The following SDK2 variants were observed in gnomAD, a reference collection of about 807,000 sequenced individuals.
SDK2 encodes protein sidekick-2.
Under a neutral mutation model 253.9 loss-of-function variants are expected in SDK2, and 105 were observed. The ratio of observed to expected loss-of-function variants is 0.41; its 90% CI spans 0.35 to 0.49. The LOEUF is 0.49. Among genes scored for constraint, SDK2 ranks in the 20% least tolerant of loss-of-function variants. The pLI, the probability that SDK2 is intolerant of heterozygous loss-of-function variation, is 0.06. For synonymous variants in SDK2, 1,249 were observed against 1,234.9 expected, an observed-to-expected ratio of 1.01 and a Z score of -0.24; for missense variants, 2,608 against 3,003.0, an observed-to-expected ratio of 0.87 and a Z score of 3.07.
chr17:73,366,610 A>G (rs541032640), intron 37 of SDK2, among the ~76,000 whole-genome samples: 1 of 152,250 alleles, frequency 6.6e-6, no homozygotes, highest in Non-Finnish European at 1.5e-5. Flanking sequence ...AGGACAGAAC[A>G]CTTGGTTCTC....
intron 1 of SDK2, among the ~76,000 whole-genome samples, chr17:73,581,423 C>G (rs1032618102): frequency 1.3e-4 from 20 of 152,346 alleles, no homozygotes; most frequent in Non-Finnish European, 2.6e-4. Flanking sequence ...CACCCACTCT[C>G]ACATATCATC....
At chr17:73,628,586 T>TG (rs2046231938) in intron 1 of SDK2, among the ~76,000 whole-genome samples, 1 of 152,174 alleles carries the variant, frequency 6.6e-6, no homozygotes. Flanking sequence ...TGTCTGGGGC[T>TG]GGTGTGGCAT....
intron 18 of SDK2, among the ~76,000 whole-genome samples, chr17:73,409,256 G>C (rs1024316817): frequency 3.3e-5 from 5 of 152,154 alleles, no homozygotes; most frequent in African/African-American, 1.2e-4. Context: ...CAAGGTGGGT[G>C]GATCATTTGA....
At chr17:73,466,255 C>A (rs1033151907) in intron 3 of SDK2, among the ~76,000 whole-genome samples, 2 of 152,144 alleles carry the variant, frequency 1.3e-5, no homozygotes, top group Non-Finnish European at 2.9e-5. Context: ...TCCAGGACAC[C>A]TTTCCTGGCT....
chr17:73,418,969 G>C (rs2063205177), intron 16 of SDK2, among the ~76,000 whole-genome samples, 197 bp downstream of exon 16: 3 of 152,042 alleles, frequency 2.0e-5, no homozygotes, highest in African/African-American at 7.2e-5. Context: ...TGGTGTCCAG[G>C]GGTCTTGCCA....
chr17:73,430,287 A>C, intron 12 of SDK2, among the ~76,000 whole-genome samples: 1 of 149,494 alleles, frequency 6.7e-6, no homozygotes, highest in Non-Finnish European at 1.5e-5. Flanking sequence ...TTTTCCTCCC[A>C]CCTTGGAAAC....
chr17:73,459,516 C>T (rs1164750958), intron 3 of SDK2, among the ~76,000 whole-genome samples: 1 of 152,218 alleles, frequency 6.6e-6, no homozygotes, highest in East Asian at 1.9e-4. Flanking sequence ...CATGGTTCTA[C>T]AGCATCCTGG....
At chr17:73,394,452 CA>C (rs2145506053) in intron 25 of SDK2, 128 bp from the exon 26 acceptor site, 1 of 500,048 alleles carries the variant, frequency 2.0e-6, no homozygotes, top group African/African-American at 1.9e-5. Flanking sequence ...AGAAACGTGG[CA>C]CACATGGTCC....
At chr17:73,413,101 C>A (rs2063153115) in intron 18 of SDK2, among the ~76,000 whole-genome samples, 1 of 152,150 alleles carries the variant, frequency 6.6e-6, no homozygotes. Flanking sequence ...GAGCGGCAGG[C>A]AAGAAAGTGA....
At chr17:73,630,124 T>C (rs1314212784) in intron 1 of SDK2, among the ~76,000 whole-genome samples, 1 of 152,138 alleles carries the variant, frequency 6.6e-6, no homozygotes, top group African/African-American at 2.4e-5. Flanking sequence ...GCCACCACCA[T>C]GACACCTAGA....
intron 1 of SDK2, among the ~76,000 whole-genome samples, chr17:73,566,675 G>T (rs2045316464): frequency 6.6e-6 from 1 of 152,076 alleles, no homozygotes; most frequent in Non-Finnish European, 1.5e-5. Context: ...CCCTGGTTAT[G>T]CCTTAATAAA....
chr17:73,357,962 G>A (rs2062606075), intron 40 of SDK2, 117 bp downstream of exon 40: 3 of 1,486,606 alleles, frequency 2.0e-6, no homozygotes, highest in African/African-American at 1.4e-5. Context: ...GACTTCACCT[G>A]TAGTAGCACA....
chr17:73,583,878 C>A (rs1341138852), intron 1 of SDK2, among the ~76,000 whole-genome samples: 1 of 152,200 alleles, frequency 6.6e-6, no homozygotes, highest in Non-Finnish European at 1.5e-5. Context: ...GTGGTAGTGA[C>A]TTCTGAGCCT....
At chr17:73,571,213 C>T (rs543681750) in intron 1 of SDK2, among the ~76,000 whole-genome samples, 5 of 152,232 alleles carry the variant, frequency 3.3e-5, no homozygotes, top group East Asian at 1.9e-4. Flanking sequence ...GGATTACAGG[C>T]GTGAGCCACC....
chr17:73,499,331 C>T (rs1229379050), intron 2 of SDK2, among the ~76,000 whole-genome samples: 2 of 152,256 alleles, frequency 1.3e-5, no homozygotes, highest in Admixed American at 6.5e-5. Context: ...TTTCTTCTCC[C>T]AGCTGCCAAG....
chr17:73,390,232 G>A, intron 29 of SDK2, 55 bp downstream of exon 29: 1 of 1,436,846 alleles, frequency 7.0e-7, no homozygotes, highest in Non-Finnish European at 9.3e-7. Flanking sequence ...TCAGAGCACT[G>A]GCTGGCCCCC....
intron 14 of SDK2, 97 bp downstream of exon 14, chr17:73,423,288 CA>C (rs754579356): frequency 2.5e-6 from 3 of 1,194,826 alleles, no homozygotes; most frequent in Non-Finnish European, 3.2e-6. Flanking sequence ...CTCAAAGGCC[CA>C]GAACTAGGAA....
Position 73,541,560 on chromosome 17 carries a change from C to T in SDK2, c.65-33963G>A, listed in dbSNP as rs967892370. On this transcript the variant is annotated intron_variant, in intron 1 of 44. Transcript: ENST00000392650. The surrounding 1 kb of genome is among the most constrained non-coding windows in gnomAD (Gnocchi z 4.3). ...AGGGGTGAGTGCCCGTGGTCTACTT[C>T]ATGGCGACTTCAAGGCCAGAGCTCG... Among the ~76,000 whole-genome samples, 1 of 151,836 alleles carries T rather than the reference C, an allele frequency of 6.6e-6. No homozygotes were observed. The highest frequency in any genetic ancestry group is 2.4e-5 in the African/African-American group (1 of 41,316).
At chr17:73,485,093 C>T (rs546578040) in intron 2 of SDK2, among the ~76,000 whole-genome samples, 1 of 152,254 alleles carries the variant, frequency 6.6e-6, no homozygotes, top group African/African-American at 2.4e-5. Flanking sequence ...GGCGTTAGGA[C>T]ATCAACATAT....
Sources: gnomAD v4.1 joint callset for allele counts (sites outside exome capture counted in the v4.1 genomes callset) on GRCh38, gnomAD v4.1.1 for gene constraint, Gnocchi (gnomAD v3.1) non-coding constraint, MANE v1.5 for transcripts, NCBI Gene and HGNC (gene_info 2026-07-23, HGNC 2026-07-21) for gene names.